Variants in PCDHGA1 observed in about 807,000 individuals in gnomAD.
The protein encoded by PCDHGA1 is protocadherin gamma-A1.
A neutral mutation model predicts 58.0 loss-of-function variants in PCDHGA1; 32 were observed. That is an observed-to-expected ratio of 0.55 (90% CI 0.42 to 0.74). The LOEUF (loss-of-function observed/expected upper bound fraction) is 0.74. Among genes scored for constraint, PCDHGA1 ranks in the 30% least tolerant of loss-of-function variants. PCDHGA1 has a pLI of 0.00. For missense variants in PCDHGA1, 1,205 were observed against 1,182.3 expected (o/e 1.02, Z -0.28); for synonymous variants, 498 against 501.1 (o/e 0.99, Z 0.08).
At chr5:141,418,717 C>G in intron 1 of PCDHGA1, 2 of 1,613,938 alleles carry the variant, frequency 1.2e-6, no homozygotes, top group Non-Finnish European at 1.7e-6. Context: ...GTGTGGCTGA[C>G]AAAGCTCAGC....
Position 141,489,140 on chromosome 5 carries a change from G to A in PCDHGA1, c.2422-5667G>A. ...CCTCCGAGCAGTTTTTAAGAGGCTG[G>A]AAGGAGACATAAGAGACTTCAGCTG... is the stretch of plus-strand genomic sequence containing the variant. On this transcript the variant is annotated intron_variant, in intron 1 of 3. Transcript: ENST00000517417. The surrounding 1 kb of genome is among the most constrained non-coding windows in gnomAD (Gnocchi z 4.5). The A allele has an allele frequency of 1.2e-6, 1 of 841,390 alleles. No individual in the cohort carries two copies. Among genetic ancestry groups the A allele is most frequent in the South Asian group, 2.1e-5 (1 of 47,082 alleles). The allele number at this position is 841,390 out of a possible 1,614,324, so 52.1% of individuals were successfully genotyped here.
intron 1 of PCDHGA1, among the ~76,000 whole-genome samples, chr5:141,454,194 G>A (rs949915652): frequency 6.6e-5 from 10 of 152,304 alleles, no homozygotes; most frequent in Non-Finnish European, 4.4e-5. Context: ...CTTAGTGAAG[G>A]TGAATTTATT....
Position 141,388,496 on chromosome 5 carries a change from G to C in PCDHGA1, c.2421+55391G>C. The stretch of plus-strand genomic sequence containing the variant: ...TGAAGACACCTTTGGACAGAGAAAA[G>C]CAGAAATCCTACCACTTGACTTTGA... On this transcript the variant is annotated intron_variant, in intron 1 of 3. Coordinates refer to ENST00000517417, the MANE Select transcript of PCDHGA1 (RefSeq NM_018912.3). 1 of 1,613,828 alleles carries C rather than the reference G, an allele frequency of 6.2e-7. No individual in the cohort carries two copies. Among genetic ancestry groups the C allele is most frequent in the Admixed American group, 1.7e-5 (1 of 60,022 alleles).
At chr5:141,384,078 A>G in intron 1 of PCDHGA1, 1 of 1,598,728 alleles carries the variant, frequency 6.3e-7, no homozygotes. Context: ...TACCTTTTAA[A>G]TTAGAAAAAT....
rs754835805 is a variant in PCDHGA1 at position 141,415,008 on chromosome 5, T to C, written c.2422-79799T>C. ...GCCAGAACGCCTGGCTGTCCTACCGTCTGCTCAAGGCCAGCGAGCCGGGAC... is the reference window on the plus strand; with the variant it reads ...GCCAGAACGCCTGGCTGTCCTACCGCCTGCTCAAGGCCAGCGAGCCGGGAC... On this transcript the variant is annotated intron_variant, in intron 1 of 3. Transcript: ENST00000517417. 3.1e-6 allele frequency: 5 copies of C among 1,613,636 alleles called. No individual in the cohort carries two copies. The South Asian group carries it at 3.3e-5, about 11-fold the overall frequency.
chr5:141,333,714 GT>G (rs1347852335), intron 1 of PCDHGA1: 6 of 154,046 alleles, frequency 3.9e-5, no homozygotes, highest in Admixed American at 3.9e-4. Context: ...GATTTTTTTG[GT>G]TTTGAGATGG....
At chr5:141,467,114 G>A (rs971182917) in intron 1 of PCDHGA1, among the ~76,000 whole-genome samples, 5 of 149,522 alleles carry the variant, frequency 3.3e-5, no homozygotes, top group South Asian at 2.1e-4. Context: ...GTACAATGGT[G>A]CAATCTCAGC....
intron 1 of PCDHGA1, among the ~76,000 whole-genome samples, chr5:141,448,274 T>G (rs2098579713): frequency 6.6e-6 from 1 of 152,196 alleles, no homozygotes; most frequent in South Asian, 2.1e-4. Context: ...TATATACTGT[T>G]GTGCAACTTG....
At chr5:141,414,305 A>G (rs2095732833) in intron 1 of PCDHGA1, 2 of 1,613,604 alleles carry the variant, frequency 1.2e-6, no homozygotes, top group African/African-American at 2.7e-5. Flanking sequence ...AATGTGCATG[A>G]TTTAGACTCT....
intron 2 of PCDHGA1, among the ~76,000 whole-genome samples, chr5:141,501,075 A>C (rs980856799): frequency 6.6e-6 from 1 of 151,366 alleles, no homozygotes; most frequent in African/African-American, 2.4e-5. Context: ...CACCATGTTG[A>C]CCAGGATGGT....
intron 1 of PCDHGA1, chr5:141,409,616 G>T: frequency 6.2e-7 from 1 of 1,613,882 alleles, no homozygotes; most frequent in African/African-American, 1.3e-5. Context: ...AGCCTCCATT[G>T]CGCAAGTGAG....
At chr5:141,345,290 C>T (rs1227914107) in intron 1 of PCDHGA1, 1 of 1,613,856 alleles carries the variant, frequency 6.2e-7, no homozygotes, top group African/African-American at 1.3e-5. Flanking sequence ...CAGAATATAA[C>T]ATTAGTCTGA....
chr5:141,379,295 G>A (rs928710321), intron 1 of PCDHGA1: 3 of 152,044 alleles, frequency 2.0e-5, no homozygotes, highest in African/African-American at 7.2e-5. Context: ...AGTTTCCAAA[G>A]GTATATACCT....
At chr5:141,428,082 G>C (rs776612130) in intron 1 of PCDHGA1, 2 of 1,609,030 alleles carry the variant, frequency 1.2e-6, no homozygotes, top group Non-Finnish European at 8.5e-7. Flanking sequence ...GGGACACAAC[G>C]CTTGGCTGTC....
intron 1 of PCDHGA1, among the ~76,000 whole-genome samples, chr5:141,386,301 G>T (rs1049977575): frequency 1.3e-5 from 2 of 152,180 alleles, no homozygotes; most frequent in Non-Finnish European, 1.5e-5. Context: ...TTTTAGTAAA[G>T]CTCAGTATAT....
At chr5:141,456,492 G>C (rs542424798) in intron 1 of PCDHGA1, among the ~76,000 whole-genome samples, 1 of 152,284 alleles carries the variant, frequency 6.6e-6, no homozygotes, top group African/African-American at 2.4e-5. Flanking sequence ...GCTTAATAAA[G>C]GGGTTAACCA....
chr5:141,370,637 TG>T (rs1257063256), intron 1 of PCDHGA1: 1 of 1,613,770 alleles, frequency 6.2e-7, no homozygotes, highest in Non-Finnish European at 8.5e-7. Flanking sequence ...GCCCCGAAAA[TG>T]GGAACTTACT....
At chr5:141,415,647 A>C in intron 1 of PCDHGA1, 2 of 1,599,602 alleles carry the variant, frequency 1.3e-6, no homozygotes, top group Non-Finnish European at 1.7e-6. Context: ...TTGTTAAAAA[A>C]AAAAAGATTG....
intron 1 of PCDHGA1, among the ~76,000 whole-genome samples, chr5:141,457,465 A>G (rs915755113): frequency 1.3e-5 from 2 of 152,194 alleles, no homozygotes; most frequent in African/African-American, 2.4e-5. Context: ...GATTCACAGG[A>G]ATAAGCAGGG....
Sources: gnomAD v4.1 joint callset for allele counts (sites outside exome capture counted in the v4.1 genomes callset) on GRCh38, gnomAD v4.1.1 for gene constraint, Gnocchi (gnomAD v3.1) non-coding constraint, MANE v1.5 for transcripts, NCBI Gene and HGNC (gene_info 2026-07-23, HGNC 2026-07-21) for gene names.